The following INPP5K variants were observed in gnomAD, a reference collection of about 807,000 sequenced individuals.
INPP5K encodes inositol polyphosphate-5-phosphatase K, also known as inositol polyphosphate 5-phosphatase K.
In INPP5K, 35 loss-of-function variants were observed where a neutral mutation model predicts 53.5. The ratio of observed to expected loss-of-function variants is 0.65; its 90% CI spans 0.50 to 0.87. The LOEUF (loss-of-function observed/expected upper bound fraction) is 0.87. Ranked by LOEUF, INPP5K falls within the 40% of genes least tolerant of loss-of-function variation. The pLI is 0.00. For synonymous variants in INPP5K, 253 were observed against 232.8 expected, an observed-to-expected ratio of 1.09 and a Z score of -0.79; for missense variants, 550 against 586.2, an observed-to-expected ratio of 0.94 and a Z score of 0.64.
At chr17:1,509,945 A>C in intron 3 of INPP5K, 146 bp from the exon 4 acceptor site, 1 of 584,240 alleles carries the variant, frequency 1.7e-6, no homozygotes, top group Non-Finnish European at 3.0e-6. Flanking sequence ...TTTGAATCTC[A>C]GAGTTTCAAG....
chr17:1,501,135 T>G (rs1056777462), intron 7 of INPP5K, among the ~76,000 whole-genome samples: 4 of 151,996 alleles, frequency 2.6e-5, no homozygotes, highest in African/African-American at 7.3e-5. Context: ...AATTTTTGTA[T>G]TTTTAGTAGA....
Position 1,516,476 on chromosome 17 carries a change from C to T in INPP5K, c.24G>A (p.Gly8=). 6.3e-7 allele frequency: 1 copy of T among 1,589,344 alleles called. No homozygotes were observed. The highest frequency in any genetic ancestry group is 8.5e-7 in the Non-Finnish European group (1 of 1,176,160). Residue 8 remains glycine (G), a synonymous_variant, in exon 1 of 12, where the codon GGG becomes GGA. Coordinates refer to ENST00000421807, the MANE Select transcript of INPP5K (RefSeq NM_016532.4). ...CTCACCTGAGCCTCCTGCCTTTCGGCCCGCTCAGCTTCCGCGAGCTCATGG... is the reference window on the plus strand; with the variant it reads ...CTCACCTGAGCCTCCTGCCTTTCGGTCCGCTCAGCTTCCGCGAGCTCATGG... MSSRKLS[G]PKGRRLSIHV...
At chr17:1,512,966 G>C (rs918201841) in intron 3 of INPP5K, among the ~76,000 whole-genome samples, 4 of 152,228 alleles carry the variant, frequency 2.6e-5, no homozygotes, top group Non-Finnish European at 5.9e-5. Context: ...GATAGCGCAT[G>C]TGGCTTCTGA....
At chr17:1,505,038 C>T (rs1158246223) in intron 7 of INPP5K, among the ~76,000 whole-genome samples, 12 of 152,254 alleles carry the variant, frequency 7.9e-5, no homozygotes, top group African/African-American at 2.9e-4. Context: ...TTGCAACAAA[C>T]TTCAGTCTCC....
At chr17:1,502,330 C>T (rs530823157) in intron 7 of INPP5K, among the ~76,000 whole-genome samples, 8 of 152,178 alleles carry the variant, frequency 5.3e-5, no homozygotes, top group Non-Finnish European at 1.0e-4. Flanking sequence ...GCCTGGGCGA[C>T]AGAGCGAGAC....
intron 8 of INPP5K, chr17:1,497,661 G>A: frequency 3.2e-6 from 1 of 315,994 alleles, no homozygotes; most frequent in African/African-American, 2.1e-5. Flanking sequence ...TCTCACATTG[G>A]GTAATAAGCC....
intron 1 of INPP5K, chr17:1,516,114 A>T (rs958935682): frequency 3.2e-6 from 4 of 1,233,602 alleles, no homozygotes; most frequent in Admixed American, 9.3e-5. Context: ...CTCCTGATGT[A>T]TGTGCTGATG....
At chr17:1,511,618 T>C (rs777221600) in intron 3 of INPP5K, among the ~76,000 whole-genome samples, 6 of 152,158 alleles carry the variant, frequency 3.9e-5, no homozygotes, top group Non-Finnish European at 8.8e-5. Flanking sequence ...CAGAGGTTGC[T>C]ACAGGTGTGT....
In INPP5K at chr17:1,495,593, G is replaced by C; in HGVS notation, c.*230C>G. 1 of 540,384 alleles carries C rather than the reference G, an allele frequency of 1.9e-6. No homozygotes were observed. 33.5% of individuals were successfully genotyped at this position (540,384 alleles called of 1,614,324 possible). ...GGTCTTCACTGTTGACACACTAGCT[G>C]GTTTCACTCACATCTCAGCAACAAA... On this transcript the variant is annotated 3_prime_UTR_variant, in exon 12 of 12. Transcript: ENST00000421807.
intron 7 of INPP5K, among the ~76,000 whole-genome samples, chr17:1,505,245 C>T (rs772023873): frequency 6.6e-6 from 1 of 152,108 alleles, no homozygotes; most frequent in Non-Finnish European, 1.5e-5. Flanking sequence ...CCTGCCTCAG[C>T]TTTCCTGAGT....
At position 1,496,907 on chromosome 17, in the gene INPP5K, G is replaced by A. The variant is rs900332283; in HGVS notation, c.964-104C>T. On this transcript the variant is annotated intron_variant, in intron 8 of 11. Transcript: ENST00000421807. ...CTTCCAACATAGTGGGGAAGGTGGG[G>A]CACCCAGAGGGGGTGGGCATGGAAC... 32 of 1,199,406 alleles carry A rather than the reference G, an allele frequency of 2.7e-5. No homozygotes were observed. In the Admixed American group the frequency reaches 4.5e-4, roughly 17 times the overall value. The allele number at this position is 1,199,406 out of a possible 1,614,324, so 74.3% of individuals were successfully genotyped here.
chr17:1,496,032 T>C lies in INPP5K; in HGVS notation c.1290+28A>G, dbSNP rs373369668. 4 of 1,523,022 alleles carry C rather than the reference T, an allele frequency of 2.6e-6. No individual in the cohort carries two copies. In the African/African-American group the frequency reaches 4.1e-5, roughly 16 times the overall value. 94.3% of individuals were successfully genotyped at this position (1,523,022 alleles called of 1,614,324 possible). A position where few individuals can be genotyped will look rare whatever the true frequency, so the allele number is the denominator to read the frequency against. On this transcript the variant is annotated intron_variant, in intron 11 of 11. Transcript: ENST00000421807. ...CAGTGATGAGCTCAAGCCCTCACCC[T>C]TCCCCTTCCCTCACCAGCACTGCTT...
In INPP5K at chr17:1,509,252, C is replaced by A. The variant is rs774789490; in HGVS notation, c.480G>T (p.Arg160=). The change falls in exon 5 of 12, where the codon CGG becomes CGT. Residue 160 remains arginine (R), a synonymous_variant. Transcript: ENST00000421807. ...LPPHISNNYQ[R]LEHFDRILEM... is the part of the protein sequence containing the mutation. Reference sequence around the variant, plus strand: ...CCAGGATCCGGTCAAAGTGCTCCAGCCGCTGGTAATTGTTGGAAATGTGGG... The same window carrying A: ...CCAGGATCCGGTCAAAGTGCTCCAGACGCTGGTAATTGTTGGAAATGTGGG... 6.8e-6 allele frequency: 11 copies of A among 1,614,090 alleles called. No homozygotes were observed. The highest frequency in any genetic ancestry group is 8.5e-6 in the Non-Finnish European group (10 of 1,180,010).
rs758050761 is a variant in INPP5K, at chr17:1,496,750, C to T, written c.1017G>A (p.Trp339Ter). The T allele has an allele frequency of 6.2e-7, 1 of 1,614,198 alleles. No individual in the cohort carries two copies. Among genetic ancestry groups the T allele is most frequent in the Admixed American group, 1.7e-5 (1 of 60,024 alleles). The change falls in exon 9 of 12, where the codon TGG becomes TGA. Residue 339 changes from tryptophan (W) to a stop codon, truncating the protein, a stop_gained. Coordinates refer to ENST00000421807, the MANE Select transcript of INPP5K (RefSeq NM_016532.4). LOFTEE classifies it high-confidence loss of function. ...PLIVLMPEDL[W>*]TVENDMMVSY... is the part of the protein sequence containing the mutation. The stretch of plus-strand genomic sequence containing the variant: ...TGACCATCATGTCATTTTCCACGGT[C>T]CACAGGTCCTCGGGCATCAGGACGA...
At chr17:1,513,413 G>T (rs1345161255) in intron 3 of INPP5K, 40 bp downstream of exon 3, 1 of 1,496,934 alleles carries the variant, frequency 6.7e-7, no homozygotes, top group Non-Finnish European at 9.3e-7. Flanking sequence ...GTGGAGATGT[G>T]AAAACACAGT....
At chr17:1,515,171 A>G (rs1323195151) in intron 1 of INPP5K, among the ~76,000 whole-genome samples, 2 of 152,158 alleles carry the variant, frequency 1.3e-5, no homozygotes, top group African/African-American at 4.8e-5. Context: ...AGCCTCCCAA[A>G]GTGCTGGGAT....
chr17:1,502,148 G>A lies in INPP5K; in HGVS notation c.777-4026C>T, dbSNP rs987963714. 2.6e-5 allele frequency among the ~76,000 whole-genome samples: 4 copies of A among 151,718 alleles called. No homozygotes were observed. The East Asian group carries it at 7.7e-4, about 29-fold the overall frequency. ...GCAGATCATGAGGTCAGGACATGGA[G>A]ACCATCCTGGCTAACATGGTGAAAC... On this transcript the variant is annotated intron_variant, in intron 7 of 11. Transcript: ENST00000421807.
At chr17:1,515,669 G>C (rs2075417153) in intron 1 of INPP5K, 1 of 904,934 alleles carries the variant, frequency 1.1e-6, no homozygotes, top group Admixed American at 6.2e-5. Flanking sequence ...CCCGTCCTTA[G>C]AGGTCGACGT....
chr17:1,514,852 C>T (rs1466912926), intron 1 of INPP5K, among the ~76,000 whole-genome samples: 1 of 151,996 alleles, frequency 6.6e-6, no homozygotes, highest in African/African-American at 2.4e-5. Context: ...CTTCCTCTCT[C>T]CTCCCTAGCA....
Sources: allele counts gnomAD v4.1 joint callset (sites outside exome capture counted in the v4.1 genomes callset), GRCh38; gene constraint gnomAD v4.1.1; transcripts MANE v1.5; gene names NCBI Gene and HGNC (gene_info 2026-07-23, HGNC 2026-07-21).